Variants in CLDN16 observed in about 807,000 individuals in gnomAD.
The protein encoded by CLDN16 is claudin-16.
A neutral mutation model predicts 24.6 loss-of-function variants in CLDN16; 13 were observed. The ratio of observed to expected loss-of-function variants is 0.53; its 90% CI spans 0.34 to 0.84. The LOEUF (loss-of-function observed/expected upper bound fraction) is 0.84. Ranked by LOEUF, CLDN16 falls within the 40% of genes least tolerant of loss-of-function variation. The pLI is 0.01. For missense variants in CLDN16, 298 were observed against 292.7 expected (o/e 1.02, Z -0.13); for synonymous variants, 116 against 106.7 (o/e 1.09, Z -0.54).
intron 1 of CLDN16, among the ~76,000 whole-genome samples, chr3:190,358,399 C>T (rs1375557481): frequency 4.0e-5 from 6 of 151,898 alleles, no homozygotes; most frequent in East Asian, 1.9e-4. Context: ...CTTTCAAGTA[C>T]GAATGACACA....
At chr3:190,312,278 C>CA in the CLDN16 span, among the ~76,000 whole-genome samples, 1 of 144,984 alleles carries the variant, frequency 6.9e-6, no homozygotes, top group South Asian at 2.2e-4. Flanking sequence ...ATTATTTTAT[C>CA]AAAAAAATTT....
chr3:190,306,767 A>G, the CLDN16 span: 1 of 152,816 alleles, frequency 6.5e-6, no homozygotes, highest in Non-Finnish European at 1.5e-5. Flanking sequence ...ACAGAGCACA[A>G]ACATGTCAGA....
In CLDN16 at chr3:190,408,309, T is replaced by C. The variant is rs769086606; in HGVS notation, c.383-5T>C. ...ATTATTTGTAGCATCCTCCCTTTCT[T>C]TCAGGTACCCCAGGAATCATTGGCT... is the stretch of plus-strand genomic sequence containing the variant. On this transcript the variant is annotated splice_polypyrimidine_tract_variant and splice_region_variant and intron_variant, in intron 3 of 4. Coordinates refer to ENST00000264734, the MANE Select transcript of CLDN16 (RefSeq NM_006580.4). 1 of 1,613,678 alleles carries C rather than the reference T, an allele frequency of 6.2e-7. No homozygotes were observed. Among genetic ancestry groups the C allele is most frequent in the Non-Finnish European group, 8.5e-7 (1 of 1,179,574 alleles).
chr3:190,360,295 T>C (rs183663713), intron 1 of CLDN16, among the ~76,000 whole-genome samples: 3 of 152,038 alleles, frequency 2.0e-5, no homozygotes, highest in East Asian at 3.9e-4. Context: ...CCTTCTTTTA[T>C]TGAGAGGAGG....
At chr3:190,322,883 C>A (rs1240487202) in intron 1 of CLDN16, among the ~76,000 whole-genome samples, 1 of 152,008 alleles carries the variant, frequency 6.6e-6, no homozygotes, top group Non-Finnish European at 1.5e-5. Context: ...GGCTTCCTCC[C>A]CCTTCTTTCC....
At chr3:190,368,133 C>T (rs1482999500) in intron 1 of CLDN16, among the ~76,000 whole-genome samples, 1 of 151,958 alleles carries the variant, frequency 6.6e-6, no homozygotes, top group Non-Finnish European at 1.5e-5. Flanking sequence ...ATCCCACATC[C>T]TGGGATAGCC....
chr3:190,394,722 A>G (rs1036157812), intron 1 of CLDN16, among the ~76,000 whole-genome samples: 3 of 152,182 alleles, frequency 2.0e-5, no homozygotes, highest in Non-Finnish European at 4.4e-5. Flanking sequence ...GAAAGAATGA[A>G]TATATTAATG....
intron 1 of CLDN16, among the ~76,000 whole-genome samples, chr3:190,362,308 G>C (rs757069198): frequency 6.6e-6 from 1 of 151,666 alleles, no homozygotes; most frequent in Non-Finnish European, 1.5e-5. Context: ...TCATTCCATC[G>C]AACAGCTGAC....
At chr3:190,407,193 G>C (rs1198462015) in intron 3 of CLDN16, among the ~76,000 whole-genome samples, 1 of 152,046 alleles carries the variant, frequency 6.6e-6, no homozygotes, top group East Asian at 1.9e-4. Context: ...ATTTGGGAAA[G>C]ACAAATATTT....
the CLDN16 span, chr3:190,308,145 T>G: frequency 9.1e-7 from 1 of 1,095,020 alleles, no homozygotes; most frequent in South Asian, 1.3e-5. Context: ...GGGTTTTTTG[T>G]TTGTTTGTTT....
chr3:190,298,092 T>C, the CLDN16 span, among the ~76,000 whole-genome samples: 1 of 152,172 alleles, frequency 6.6e-6, no homozygotes, highest in East Asian at 1.9e-4. Flanking sequence ...TTCTTTATTG[T>C]CTTTTCCATA....
chr3:190,365,140 A>G (rs1385737038), intron 1 of CLDN16, among the ~76,000 whole-genome samples: 1 of 151,646 alleles, frequency 6.6e-6, no homozygotes, highest in Non-Finnish European at 1.5e-5. Context: ...AACTATCTTC[A>G]CAGGTCTCAT....
At chr3:190,402,888 G>C (rs994574360) in intron 2 of CLDN16, among the ~76,000 whole-genome samples, 1 of 152,194 alleles carries the variant, frequency 6.6e-6, no homozygotes, top group African/African-American at 2.4e-5. Flanking sequence ...CTAAGAAAGA[G>C]AGAGTGGCAG....
intron 1 of CLDN16, among the ~76,000 whole-genome samples, chr3:190,361,424 G>T (rs1717885473): frequency 6.6e-6 from 1 of 151,936 alleles, no homozygotes. Context: ...ACCAAAGAAA[G>T]GAATTTAGTT....
intron 1 of CLDN16, among the ~76,000 whole-genome samples, chr3:190,343,080 A>G (rs1005377297): frequency 6.6e-6 from 1 of 152,160 alleles, no homozygotes; most frequent in Non-Finnish European, 1.5e-5. Flanking sequence ...GGTTAATATA[A>G]AAGATTTATA....
At chr3:190,373,670 C>T (rs1718187406) in intron 2 of CLDN16, among the ~76,000 whole-genome samples, 1 of 151,720 alleles carries the variant, frequency 6.6e-6, no homozygotes, top group Non-Finnish European at 1.5e-5. Context: ...TCTATCAAGA[C>T]AGGTTGTGAG....
At chr3:190,303,911 C>A in the CLDN16 span, among the ~76,000 whole-genome samples, 1 of 152,084 alleles carries the variant, frequency 6.6e-6, no homozygotes, top group Non-Finnish European at 1.5e-5. Context: ...AAGCCCCAAT[C>A]CTGAACCAGA....
the CLDN16 span, among the ~76,000 whole-genome samples, chr3:190,314,367 G>A: frequency 6.6e-6 from 1 of 151,902 alleles, no homozygotes; most frequent in Non-Finnish European, 1.5e-5. Flanking sequence ...CTATAACCAG[G>A]CAATCTATGA....
chr3:190,351,604 T>C (rs951064745), intron 1 of CLDN16, among the ~76,000 whole-genome samples: 2 of 152,208 alleles, frequency 1.3e-5, no homozygotes, highest in African/African-American at 2.4e-5. Context: ...AACATTTTAT[T>C]ATTGTTGTTG....
Sources: allele counts gnomAD v4.1 joint callset (sites outside exome capture counted in the v4.1 genomes callset), GRCh38; gene constraint gnomAD v4.1.1; transcripts MANE v1.5; gene names NCBI Gene and HGNC (gene_info 2026-07-23, HGNC 2026-07-21).